Variants in MCF2 observed in about 807,000 individuals in gnomAD.
MCF2 encodes proto-oncogene DBL.
Under a neutral mutation model 82.5 loss-of-function variants are expected in MCF2, and 44 were observed. The observed-to-expected ratio is 0.53, with a 90% CI of 0.42 to 0.69. MCF2 has a LOEUF of 0.69. Among genes scored for constraint, MCF2 ranks in the 30% least tolerant of loss-of-function variants. MCF2 has a pLI of 0.00. For synonymous variants in MCF2, 217 were observed against 224.9 expected (o/e 0.96, Z 0.32); for missense variants, 623 against 663.1 (o/e 0.94, Z 0.66).
intron 1 of MCF2, among the ~76,000 whole-genome samples, chrX:139,662,024 A>G (rs1485081667): frequency 1.8e-5 from 2 of 111,793 alleles, no homozygotes; most frequent in Non-Finnish European, 3.8e-5. Context: ...GATCTTGTAC[A>G]TAAAAAACAC....
intron 1 of MCF2, among the ~76,000 whole-genome samples, chrX:139,686,141 T>C (rs1935118645): frequency 1.8e-5 from 2 of 109,757 alleles, no homozygotes; most frequent in African/African-American, 3.3e-5. Context: ...GAGCCATCTA[T>C]GACAAACCCA....
intron 1 of MCF2, among the ~76,000 whole-genome samples, chrX:139,695,446 T>C (rs1270609693): frequency 2.7e-5 from 3 of 112,161 alleles, no homozygotes; most frequent in African/African-American, 9.7e-5. Context: ...CATGACCTTA[T>C]GTTGATTGAC....
chrX:139,604,744 G>A, exon 15 of MCF2: 1 of 1,193,301 alleles, frequency 8.4e-7, no homozygotes. Context: ...GGCTGCTCAA[G>A]AAAATGCTGT....
chrX:139,586,582 T>A, intron 22 of MCF2, 95 bp from the exon 27 acceptor site: 1 of 536,283 alleles, frequency 1.9e-6, no homozygotes, highest in South Asian at 3.2e-5. Flanking sequence ...TACCAAGTGT[T>A]AAGAACATGC....
chrX:139,637,607 T>C lies in MCF2; in HGVS notation c.51+4861A>G, dbSNP rs1933308520. ...TGGACAGGGGTGGAAATGTCATTTA[T>C]TGAATGCATACTACTAGAATTATGC... is the stretch of plus-strand genomic sequence containing the variant. On this transcript the variant is annotated intron_variant, in intron 1 of 24. Transcript: ENST00000370576. 3.6e-5 allele frequency among the ~76,000 whole-genome samples: 4 copies of C among 111,713 alleles called. No homozygotes were observed. In the South Asian group the frequency reaches 1.1e-3, roughly 32 times the overall value.
chrX:139,691,804 G>A (rs1303043092), intron 1 of MCF2: 10 of 582,164 alleles, frequency 1.7e-5, no homozygotes, highest in Non-Finnish European at 2.5e-5. Flanking sequence ...CGCGGGGAGG[G>A]GTGTGGACTG....
chrX:139,652,094 A>G (rs1243999691), intron 1 of MCF2, among the ~76,000 whole-genome samples: 3 of 112,198 alleles, frequency 2.7e-5, no homozygotes, highest in Non-Finnish European at 5.6e-5. Flanking sequence ...ATTTATTTGA[A>G]GGGTAGATGG....
At chrX:139,635,651 T>C (rs1158642556) in intron 1 of MCF2, among the ~76,000 whole-genome samples, 2 of 107,941 alleles carry the variant, frequency 1.9e-5, no homozygotes, top group African/African-American at 6.7e-5. Context: ...GGTGAGACTC[T>C]GCCGAAAAAA....
Position 139,660,885 on chromosome X carries a change from G to A in MCF2, c.-44-9097C>T, listed in dbSNP as rs190564987. 5.3e-3 allele frequency among the ~76,000 whole-genome samples: 587 copies of A among 111,643 alleles called. 5 individuals carry two copies. Among genetic ancestry groups the A allele is most frequent in the Middle Eastern group, 0.018 (4 of 217 alleles). ...TTGCTCCTCTCTGCTAGGTGCTGTG[G>A]CCCATGGGAATATAAACAGAGTTCC... On this transcript the variant is annotated intron_variant, in intron 1 of 27. Coordinates refer to the MCF2 transcript ENST00000414978.
upstream of MCF2, chrX:139,645,572 A>T: frequency 8.5e-7 from 1 of 1,174,316 alleles, no homozygotes; most frequent in Non-Finnish European, 1.2e-6. Flanking sequence ...ACTTACCGAG[A>T]TTTTTTGGAG....
At position 139,582,456 on chromosome X, in the gene MCF2, G is replaced by C. The variant is rs73634050; in HGVS notation, c.*15C>G. ...GGCAGGAAAGAGCTACTTGCCATTT[G>C]ACATAGTAGCTTCATCAATATAGGA... On this transcript the variant is annotated 3_prime_UTR_variant, in exon 25 of 25. Coordinates refer to ENST00000370576, the Ensembl canonical transcript of MCF2. 1.9e-3 allele frequency: 2,327 copies of C among 1,207,273 alleles called. 37 individuals are homozygous for C. In the African/African-American group the frequency reaches 0.035, roughly 18 times the overall value.
chrX:139,634,979 CCAGTTACT>C (rs1254409044), intron 1 of MCF2, among the ~76,000 whole-genome samples: 5 of 111,466 alleles, frequency 4.5e-5, no homozygotes, highest in African/African-American at 1.6e-4. Context: ...GCCTATGGTT[CCAGTTACT>C]CAGGAGGCTG....
intron 1 of MCF2, among the ~76,000 whole-genome samples, chrX:139,639,806 A>G (rs1933456444): frequency 8.9e-6 from 1 of 112,230 alleles, no homozygotes; most frequent in Non-Finnish European, 1.9e-5. Context: ...CTTATAAAAC[A>G]TAAAAGTTTG....
At chrX:139,591,734 C>A (rs933438240) in intron 19 of MCF2, among the ~76,000 whole-genome samples, 5 of 109,880 alleles carry the variant, frequency 4.6e-5, no homozygotes, top group African/African-American at 1.7e-4. Flanking sequence ...CTGGGGACTA[C>A]CAGAGGAGGG....
intron 5 of MCF2, 56 bp from the exon 9 acceptor site, chrX:139,626,363 T>C (rs1165948680): frequency 1.2e-5 from 9 of 725,396 alleles, no homozygotes; most frequent in African/African-American, 2.1e-5. Context: ...TTTGTAAGTA[T>C]GTAGATAAGT....
At chrX:139,604,936 G>A in exon 14 of MCF2, 1 of 1,200,706 alleles carries the variant, frequency 8.3e-7, no homozygotes, top group Non-Finnish European at 1.1e-6. Context: ...CTCAGGAGAG[G>A]TGGCATAAGA....
chrX:139,696,476 C>T (rs1439130654), intron 1 of MCF2, among the ~76,000 whole-genome samples: 13 of 110,636 alleles, frequency 1.2e-4, no homozygotes, highest in Admixed American at 6.7e-4. Flanking sequence ...CAGGCTGGAG[C>T]GCAGTGGCGC....
chrX:139,663,159 CA>C (rs1413251732), intron 1 of MCF2, among the ~76,000 whole-genome samples: 2 of 111,444 alleles, frequency 1.8e-5, no homozygotes, highest in African/African-American at 3.3e-5. Context: ...GGTAGATACC[CA>C]GTAGCAGGAT....
intron 1 of MCF2, among the ~76,000 whole-genome samples, chrX:139,687,772 A>G (rs1935161893): frequency 8.9e-6 from 1 of 112,405 alleles, no homozygotes; most frequent in African/African-American, 3.2e-5. Flanking sequence ...ATTTTTACTG[A>G]TAACTTATTT....
Sources: gnomAD v4.1 joint callset for allele counts (sites outside exome capture counted in the v4.1 genomes callset) on GRCh38, gnomAD v4.1.1 for gene constraint, MANE v1.5 for transcripts, NCBI Gene and HGNC (gene_info 2026-07-23, HGNC 2026-07-21) for gene names.